Variants in WWP1 observed in about 807,000 individuals in gnomAD.
The protein encoded by WWP1 is NEDD4-like E3 ubiquitin-protein ligase WWP1.
Under a neutral mutation model 130.6 loss-of-function variants are expected in WWP1, and 49 were observed. The observed-to-expected ratio is 0.38, with a 90% CI of 0.30 to 0.48. The LOEUF (loss-of-function observed/expected upper bound fraction) is 0.48, where lower values mean the gene tolerates loss of function less well. Ranked by LOEUF, WWP1 falls within the 20% of genes least tolerant of loss-of-function variation. The probability of loss-of-function intolerance (pLI) is 0.99; values close to 1 mark genes in which losing one functional copy is unlikely to be tolerated. For synonymous variants in WWP1, 332 were observed against 367.8 expected (o/e 0.90, Z 1.11); for missense variants, 809 against 1,100.6 (o/e 0.74, Z 3.75).
chr8:86,387,543 C>T (rs1009323785), intron 5 of WWP1, among the ~76,000 whole-genome samples: 5 of 151,884 alleles, frequency 3.3e-5, no homozygotes, highest in Admixed American at 2.6e-4. Flanking sequence ...GAGACAGTCT[C>T]ACTCTGTCAC....
intron 9 of WWP1, among the ~76,000 whole-genome samples, chr8:86,421,497 T>A (rs1201167677): frequency 1.5e-5 from 1 of 68,864 alleles, no homozygotes; most frequent in East Asian, 2.5e-4. Context: ...TTAATTGGGT[T>A]CTTTTTTGGG....
intron 9 of WWP1, among the ~76,000 whole-genome samples, chr8:86,424,587 G>A (rs1340327778): frequency 2.0e-4 from 31 of 151,912 alleles, no homozygotes; most frequent in African/African-American, 3.6e-4. Context: ...CAGATCACTC[G>A]CCGTTAGGAG....
chr8:86,457,137 C>T (rs1407758746), intron 21 of WWP1, among the ~76,000 whole-genome samples: 3 of 151,662 alleles, frequency 2.0e-5, no homozygotes, highest in Non-Finnish European at 4.4e-5. Flanking sequence ...GTAAATTATA[C>T]CTCAAAGTTG....
At chr8:86,427,516 C>A (rs1377927755) in intron 10 of WWP1, 127 bp from the exon 11 acceptor site, 15 of 973,122 alleles carry the variant, frequency 1.5e-5, no homozygotes, top group Non-Finnish European at 2.1e-5. Context: ...ATAAATAGTT[C>A]ATAGTTTTAT....
Position 86,439,162 on chromosome 8 carries a change from T to C in WWP1, c.1838+489T>C, listed in dbSNP as rs1275555440. Among the ~76,000 whole-genome samples the C allele has an allele frequency of 2.0e-5, 3 of 151,946 alleles. No homozygotes were observed. The East Asian group carries it at 5.8e-4, about 29-fold the overall frequency. ...ATCGAGACCATCCTGGCTAACACGG[T>C]GAAACCCCGTCTCTACTAAAAATAA... On this transcript the variant is annotated intron_variant, in intron 17 of 24. Transcript: ENST00000517970.
intron 14 of WWP1, among the ~76,000 whole-genome samples, chr8:86,434,387 C>G (rs1400070515): frequency 6.6e-6 from 1 of 152,198 alleles, no homozygotes; most frequent in Non-Finnish European, 1.5e-5. Context: ...ACACCTTCAG[C>G]TTCCACCTTG....
chr8:86,389,938 C>T (rs1471748733), intron 5 of WWP1, among the ~76,000 whole-genome samples: 13 of 151,666 alleles, frequency 8.6e-5, no homozygotes, highest in South Asian at 2.1e-4. Context: ...ACTTCCCGGA[C>T]GGGGCGGCTG....
rs1824993229 is a variant in WWP1 at position 86,381,619 on chromosome 8, C to T, written c.324C>T (p.His108=). ...TIDLKQALLI[H]NRKLERVKEQ... is the part of the protein sequence containing the mutation. ...ATTTGAAACAAGCTCTGTTGATACACAATAGAAAATGTAAGTTTTTTGTTC... is the reference window on the plus strand; with the variant it reads ...ATTTGAAACAAGCTCTGTTGATACATAATAGAAAATGTAAGTTTTTTGTTC... Residue 108 remains histidine (H), a synonymous_variant, in exon 5 of 25, where the codon CAC becomes CAT. Transcript: ENST00000517970. 3 of 1,583,322 alleles carry T rather than the reference C, an allele frequency of 1.9e-6. No individual in the cohort carries two copies. The South Asian group carries it at 3.5e-5, about 19-fold the overall frequency.
At chr8:86,377,107 A>G (rs1824702297) in intron 3 of WWP1, among the ~76,000 whole-genome samples, 2 of 152,068 alleles carry the variant, frequency 1.3e-5, no homozygotes, top group African/African-American at 4.8e-5. Flanking sequence ...TTTTTTTGAA[A>G]TGGAGTCTTG....
intron 1 of WWP1, among the ~76,000 whole-genome samples, chr8:86,346,790 C>A (rs979677038): frequency 2.0e-5 from 3 of 151,836 alleles, no homozygotes; most frequent in Non-Finnish European, 2.9e-5. Context: ...ATAGTGGTAT[C>A]CAAGGAACTA....
intron 1 of WWP1, among the ~76,000 whole-genome samples, chr8:86,351,429 C>T (rs912384454): frequency 2.4e-4 from 36 of 151,856 alleles, no homozygotes; most frequent in Non-Finnish European, 1.5e-4. Context: ...GGCTTGACCT[C>T]GGGGGCTCAA....
intron 1 of WWP1, among the ~76,000 whole-genome samples, chr8:86,366,708 G>A (rs1823994532): frequency 6.6e-6 from 1 of 152,128 alleles, no homozygotes; most frequent in African/African-American, 2.4e-5. Flanking sequence ...CCATTACACT[G>A]TTCACTAGGA....
chr8:86,352,661 G>A (rs925744884), intron 1 of WWP1, among the ~76,000 whole-genome samples: 6 of 152,136 alleles, frequency 3.9e-5, no homozygotes, highest in African/African-American at 1.4e-4. Context: ...GAGCCACCAT[G>A]CCCAGCCCTC....
At chr8:86,437,292 A>G (rs1447634242) in intron 16 of WWP1, among the ~76,000 whole-genome samples, 1 of 152,240 alleles carries the variant, frequency 6.6e-6, no homozygotes, top group African/African-American at 2.4e-5. Context: ...AAAATTTGGT[A>G]TACGTATTGT....
intron 1 of WWP1, among the ~76,000 whole-genome samples, chr8:86,351,831 T>G (rs1822946794): frequency 6.6e-6 from 1 of 152,194 alleles, no homozygotes; most frequent in Non-Finnish European, 1.5e-5. Context: ...TCTGGGATGC[T>G]TATTAAACAT....
At chr8:86,433,160 C>A (rs1810081917) in intron 14 of WWP1, among the ~76,000 whole-genome samples, 1 of 150,762 alleles carries the variant, frequency 6.6e-6, no homozygotes. Context: ...GCCATACTTT[C>A]TTGATTTCCC....
intron 9 of WWP1, among the ~76,000 whole-genome samples, chr8:86,418,236 T>C (rs1181150455): frequency 6.6e-6 from 1 of 152,162 alleles, no homozygotes; most frequent in African/African-American, 2.4e-5. Flanking sequence ...GCTGTTAGTA[T>C]ACTGATTTGC....
At chr8:86,369,362 G>A (rs1824154340) in intron 2 of WWP1, among the ~76,000 whole-genome samples, 1 of 152,110 alleles carries the variant, frequency 6.6e-6, no homozygotes. Context: ...AGGCAAGATG[G>A]TATCATTTTT....
chr8:86,352,447 A>T, intron 1 of WWP1, among the ~76,000 whole-genome samples: 1 of 151,654 alleles, frequency 6.6e-6, no homozygotes, highest in East Asian at 1.9e-4. Flanking sequence ...CTGGTCTCGA[A>T]CTCCTGGCCT....
Sources: allele counts gnomAD v4.1 joint callset (sites outside exome capture counted in the v4.1 genomes callset), GRCh38; gene constraint gnomAD v4.1.1; transcripts MANE v1.5; gene names NCBI Gene and HGNC (gene_info 2026-07-23, HGNC 2026-07-21).